The following SGCD variants were observed in gnomAD, a reference collection of about 807,000 sequenced individuals.
SGCD encodes the protein sarcoglycan delta.
In SGCD, 18 loss-of-function variants were observed where a neutral mutation model predicts 36.6. That is an observed-to-expected ratio of 0.49 (90% CI 0.34 to 0.73). SGCD has a LOEUF of 0.73. Ranked by LOEUF, SGCD falls within the 30% of genes least tolerant of loss-of-function variation. The pLI is 0.01. For missense variants in SGCD, 387 were observed against 346.7 expected (o/e 1.12, Z -0.92); for synonymous variants, 133 against 130.6 (o/e 1.02, Z -0.12).
intron 1 of SGCD, among the ~76,000 whole-genome samples, chr5:155,993,940 C>A (rs1398188677): frequency 6.6e-6 from 1 of 152,150 alleles, no homozygotes; most frequent in African/African-American, 2.4e-5. Flanking sequence ...GGGAAAGAGA[C>A]ATAGTTTCCA....
chr5:156,091,403 C>A (rs1352515399), intron 1 of SGCD, among the ~76,000 whole-genome samples: 2 of 152,186 alleles, frequency 1.3e-5, no homozygotes, highest in Non-Finnish European at 2.9e-5. Context: ...CTTGGGACAG[C>A]TCTAGGGCCC....
At chr5:156,656,385 T>C (rs1581345298) in intron 7 of SGCD, among the ~76,000 whole-genome samples, 1 of 152,062 alleles carries the variant, frequency 6.6e-6, no homozygotes, top group Non-Finnish European at 1.5e-5. Context: ...CAAAATCTAC[T>C]TAGAAGCGTT....
intron 1 of SGCD, among the ~76,000 whole-genome samples, chr5:155,985,361 C>G (rs1260485888): frequency 1.3e-5 from 2 of 152,154 alleles, no homozygotes; most frequent in African/African-American, 4.8e-5. Context: ...TCCTAGAACT[C>G]ACATTCCTCA....
At chr5:155,788,300 C>T in the SGCD span, among the ~76,000 whole-genome samples, 1 of 152,106 alleles carries the variant, frequency 6.6e-6, no homozygotes, top group Admixed American at 6.6e-5. Context: ...ACAGATCAAG[C>T]TACTGAAGGA....
At chr5:156,528,266 A>C (rs1757724827) in intron 4 of SGCD, among the ~76,000 whole-genome samples, 1 of 152,214 alleles carries the variant, frequency 6.6e-6, no homozygotes, top group African/African-American at 2.4e-5. Flanking sequence ...TAATAATAGC[A>C]CTATCTCATA....
chr5:155,975,796 A>C (rs971702655), intron 1 of SGCD, among the ~76,000 whole-genome samples: 6 of 149,922 alleles, frequency 4.0e-5, no homozygotes, highest in Admixed American at 2.6e-4. Flanking sequence ...TGGCTGGCTA[A>C]TTTTTTTATT....
At chr5:155,744,199 C>T in the SGCD span, among the ~76,000 whole-genome samples, 1 of 152,100 alleles carries the variant, frequency 6.6e-6, no homozygotes, top group Non-Finnish European at 1.5e-5. Context: ...TGGTGACTCA[C>T]GCCTGTAATC....
rs140398010 is a variant in SGCD at position 156,459,361 on chromosome 5, A to T, written c.193-49240A>T. 1.2e-4 allele frequency among the ~76,000 whole-genome samples: 19 copies of T among 152,296 alleles called. No homozygotes were observed. In the East Asian group the frequency reaches 3.5e-3, roughly 28 times the overall value. On this transcript the variant is annotated intron_variant, in intron 3 of 8. Transcript: ENST00000337851. ...CTATCCCAGTCATTAAATCCTTAAAACAGGACTTTTCAAACTTCTGTGTGC... is the reference window on the plus strand; with the variant it reads ...CTATCCCAGTCATTAAATCCTTAAATCAGGACTTTTCAAACTTCTGTGTGC...
At chr5:156,098,542 G>A (rs1473155595) in intron 1 of SGCD, among the ~76,000 whole-genome samples, 1 of 151,550 alleles carries the variant, frequency 6.6e-6, no homozygotes, top group African/African-American at 2.4e-5. Flanking sequence ...TATTACACAT[G>A]CTTTTAAATA....
intron 1 of SGCD, among the ~76,000 whole-genome samples, chr5:156,027,784 AT>A (rs1309583946): frequency 6.6e-6 from 1 of 152,184 alleles, no homozygotes; most frequent in Admixed American, 6.5e-5. Flanking sequence ...TAAAATATTT[AT>A]TTGATAATAA....
chr5:156,725,969 A>G (rs1253559939), intron 7 of SGCD, among the ~76,000 whole-genome samples: 2 of 152,144 alleles, frequency 1.3e-5, no homozygotes, highest in Non-Finnish European at 2.9e-5. Context: ...ACTATTTTCT[A>G]TCTGTCACTT....
chr5:156,621,499 G>T (rs1013894270), intron 6 of SGCD, among the ~76,000 whole-genome samples: 3 of 148,816 alleles, frequency 2.0e-5, no homozygotes, highest in African/African-American at 5.1e-5. Context: ...CCAAAAGACA[G>T]ATGTTTTAAG....
At chr5:156,294,292 T>C (rs78679437) in intron 3 of SGCD, among the ~76,000 whole-genome samples, 7,851 of 152,216 alleles carry the variant, frequency 0.052, 356 homozygotes, top group African/African-American at 0.12. Flanking sequence ...TAATTTTATT[T>C]CTCCCTTTCA....
intron 7 of SGCD, among the ~76,000 whole-genome samples, chr5:156,742,558 C>G (rs1295769027): frequency 6.6e-6 from 1 of 152,140 alleles, no homozygotes; most frequent in Non-Finnish European, 1.5e-5. Context: ...AGTCCTCTTG[C>G]TACCTCTTAT....
chr5:156,688,187 A>G (rs2113699590), intron 7 of SGCD, among the ~76,000 whole-genome samples: 2 of 152,008 alleles, frequency 1.3e-5, no homozygotes, highest in South Asian at 4.2e-4. Flanking sequence ...TCCTTTAGTT[A>G]TTTTTCCTGA....
chr5:155,967,342 G>T (rs1185368505), intron 1 of SGCD, among the ~76,000 whole-genome samples: 1 of 151,978 alleles, frequency 6.6e-6, no homozygotes, highest in Non-Finnish European at 1.5e-5. Flanking sequence ...AGAGGTAGAG[G>T]AGCATGTTGT....
intron 4 of SGCD, among the ~76,000 whole-genome samples, chr5:156,522,652 T>C (rs1757462289): frequency 6.6e-6 from 1 of 151,868 alleles, no homozygotes; most frequent in Admixed American, 6.6e-5. Context: ...ACCTAGGTGA[T>C]GGGTTGTTAG....
chr5:155,889,598 T>C (rs1490115939), intron 1 of SGCD, among the ~76,000 whole-genome samples: 2 of 152,208 alleles, frequency 1.3e-5, no homozygotes, highest in Admixed American at 6.5e-5. Context: ...TTTTATTAGC[T>C]CTTGGATCTT....
At chr5:156,443,897 A>C (rs1753613929) in intron 3 of SGCD, among the ~76,000 whole-genome samples, 1 of 152,138 alleles carries the variant, frequency 6.6e-6, no homozygotes, top group Non-Finnish European at 1.5e-5. Context: ...TGCTAACCCC[A>C]AATTAGGTAA....
Sources: gnomAD v4.1 joint callset for allele counts (sites outside exome capture counted in the v4.1 genomes callset) on GRCh38, gnomAD v4.1.1 for gene constraint, MANE v1.5 for transcripts, NCBI Gene and HGNC (gene_info 2026-07-23, HGNC 2026-07-21) for gene names.